Variants in ADCY1 observed in about 807,000 individuals in gnomAD.
ADCY1 encodes the protein adenylate cyclase type 1.
In ADCY1, 28 loss-of-function variants were observed where a neutral mutation model predicts 105.4. The ratio of observed to expected loss-of-function variants is 0.27; its 90% CI spans 0.20 to 0.36. The LOEUF (loss-of-function observed/expected upper bound fraction) is 0.36. ADCY1 is among the 10% of genes least tolerant of loss of function. The pLI is 1.00. For synonymous variants in ADCY1, 655 were observed against 623.8 expected (o/e 1.05, Z -0.75); for missense variants, 977 against 1,434.2 (o/e 0.68, Z 5.15).
chr7:45,642,537 C>T (rs17172596), intron 4 of ADCY1, among the ~76,000 whole-genome samples: 2,605 of 152,276 alleles, frequency 0.017, 60 homozygotes, highest in African/African-American at 0.051. Context: ...CTCCTGCCCA[C>T]TTGTTGGCTT....
chr7:45,616,758 AC>A (rs1383617863), intron 3 of ADCY1, among the ~76,000 whole-genome samples: 1 of 152,260 alleles, frequency 6.6e-6, no homozygotes, highest in Non-Finnish European at 1.5e-5. Context: ...CAGGAACAAG[AC>A]AATGATATCC....
At chr7:45,604,480 C>T (rs942445340) in intron 2 of ADCY1, among the ~76,000 whole-genome samples, 10 of 152,030 alleles carry the variant, frequency 6.6e-5, no homozygotes, top group South Asian at 2.1e-4. Context: ...AAATCTATAA[C>T]GTATTTTAAT....
At chr7:45,671,687 T>A (rs939047312) in intron 8 of ADCY1, among the ~76,000 whole-genome samples, 7 of 152,246 alleles carry the variant, frequency 4.6e-5, no homozygotes, top group African/African-American at 1.7e-4. Flanking sequence ...ATGTTGAACA[T>A]CTTTTCATGT....
Position 45,710,462 on chromosome 7 carries a change from G to C in ADCY1, c.2933-66G>C. On this transcript the variant is annotated intron_variant, in intron 18 of 19. Transcript: ENST00000297323. This position sits in a 1 kb window ranked among gnomAD's most constrained non-coding sequence, Gnocchi z 4.7. ...CCAGGAGCAGCATCAGGTGCATTTGGTGGCCCTGGTGGGGTGAGTTACACT... is the reference window on the plus strand; with the variant it reads ...CCAGGAGCAGCATCAGGTGCATTTGCTGGCCCTGGTGGGGTGAGTTACACT... 6.4e-7 allele frequency: 1 copy of C among 1,571,934 alleles called. No individual in the cohort carries two copies. Among genetic ancestry groups the C allele is most frequent in the Non-Finnish European group, 8.6e-7 (1 of 1,157,054 alleles).
chr7:45,702,506 A>G (rs1286990622), intron 14 of ADCY1, among the ~76,000 whole-genome samples: 1 of 152,230 alleles, frequency 6.6e-6, no homozygotes, highest in Admixed American at 6.5e-5. Context: ...GCCTCCATAA[A>G]TGCTGACACA....
intron 5 of ADCY1, among the ~76,000 whole-genome samples, chr7:45,651,797 G>A (rs1794819182): frequency 6.6e-6 from 1 of 152,204 alleles, no homozygotes; most frequent in African/African-American, 2.4e-5. Flanking sequence ...GTGCCTGAGT[G>A]ACCAGGAAGG....
At chr7:45,626,705 A>G (rs1034532131) in intron 4 of ADCY1, among the ~76,000 whole-genome samples, 1 of 152,214 alleles carries the variant, frequency 6.6e-6, no homozygotes, top group Non-Finnish European at 1.5e-5. Flanking sequence ...GCTGAAGAGA[A>G]TATTTTCTAG....
chr7:45,634,023 G>A (rs898608216), intron 4 of ADCY1, among the ~76,000 whole-genome samples: 2 of 152,008 alleles, frequency 1.3e-5, no homozygotes, highest in Non-Finnish European at 2.9e-5. Flanking sequence ...ACTGTGTGGG[G>A]GGTTGTCACT....
chr7:45,590,512 G>T (rs1253269821), intron 1 of ADCY1, among the ~76,000 whole-genome samples: 2 of 152,076 alleles, frequency 1.3e-5, no homozygotes, highest in African/African-American at 4.8e-5. Context: ...CTCTGGCCCT[G>T]ACCCTTTCCA....
chr7:45,642,498 C>T (rs1235783063), intron 4 of ADCY1, among the ~76,000 whole-genome samples: 2 of 152,124 alleles, frequency 1.3e-5, no homozygotes, highest in African/African-American at 4.8e-5. Flanking sequence ...TTTGGCCCCC[C>T]ATCCTCTGTG....
At position 45,660,067 on chromosome 7, in the gene ADCY1, C is replaced by G; in HGVS notation, c.1333C>G (p.Leu445Val). ...PGKVHITKTT[L>V]ACLNGDYEVE... ...GAAGGTTCATATCACAAAGACGACC[C>G]TAGCGTGCTTGAATGGGGACTACGA... Residue 445 changes from leucine (L) to valine (V), a missense_variant, in exon 7 of 20, where the codon CTA becomes GTA. Around this residue, in one of 7 missense-constraint regions of ADCY1, gnomAD observed 66 missense variants for 127.2 expected, o/e 0.52. Transcript: ENST00000297323. The G allele has an allele frequency of 6.2e-7, 1 of 1,614,218 alleles. No individual in the cohort carries two copies. Among genetic ancestry groups the G allele is most frequent in the Non-Finnish European group, 8.5e-7 (1 of 1,180,026 alleles).
intron 1 of ADCY1, among the ~76,000 whole-genome samples, chr7:45,586,213 C>T (rs1356079935): frequency 6.6e-6 from 1 of 152,026 alleles, no homozygotes; most frequent in East Asian, 1.9e-4. Context: ...GAGAGGGGCA[C>T]CATGGAGGAA....
intron 1 of ADCY1, among the ~76,000 whole-genome samples, chr7:45,583,616 G>A (rs1359006434): frequency 6.6e-6 from 1 of 152,206 alleles, no homozygotes; most frequent in East Asian, 1.9e-4. Flanking sequence ...TGGCTTCCTG[G>A]TGCTTGGCCA....
At chr7:45,595,373 G>T (rs968665309) in intron 2 of ADCY1, among the ~76,000 whole-genome samples, 1 of 152,032 alleles carries the variant, frequency 6.6e-6, no homozygotes, top group Non-Finnish European at 1.5e-5. Flanking sequence ...TCTTTCTCCC[G>T]TTCTCCCTCT....
chr7:45,608,136 C>T (rs552178261), intron 2 of ADCY1, among the ~76,000 whole-genome samples: 11 of 152,250 alleles, frequency 7.2e-5, no homozygotes, highest in Admixed American at 1.3e-4. Flanking sequence ...TTAATGGTAG[C>T]CATTCTGACT....
chr7:45,632,687 C>T (rs1363406488), intron 4 of ADCY1, among the ~76,000 whole-genome samples: 1 of 152,064 alleles, frequency 6.6e-6, no homozygotes, highest in African/African-American at 2.4e-5. Flanking sequence ...CTTCAGCCTC[C>T]TGAGTAGCTG....
intron 3 of ADCY1, among the ~76,000 whole-genome samples, chr7:45,620,874 C>T (rs1455462975): frequency 1.3e-5 from 2 of 152,144 alleles, no homozygotes; most frequent in Admixed American, 1.3e-4. Flanking sequence ...ATCTTCTTCT[C>T]CCAGTGTCTG....
At chr7:45,701,831 G>A (rs1584342108) in intron 14 of ADCY1, among the ~76,000 whole-genome samples, 1 of 152,306 alleles carries the variant, frequency 6.6e-6, no homozygotes, top group East Asian at 1.9e-4. Flanking sequence ...GCAGAGTGTG[G>A]CTCCAGCCCA....
chr7:45,656,260 G>A (rs1006408880), intron 5 of ADCY1, among the ~76,000 whole-genome samples: 44 of 151,530 alleles, frequency 2.9e-4, no homozygotes, highest in Middle Eastern at 3.4e-3. Flanking sequence ...GGGAGATAGC[G>A]CCACTGCACT....
Sources: gnomAD v4.1 joint callset for allele counts (sites outside exome capture counted in the v4.1 genomes callset) on GRCh38, gnomAD v4.1.1 for gene constraint, gnomAD v4.1.1 regional missense constraint, Gnocchi (gnomAD v3.1) non-coding constraint, MANE v1.5 for transcripts, NCBI Gene and HGNC (gene_info 2026-07-23, HGNC 2026-07-21) for gene names.